RAD54B: variants seen among roughly 807,000 people sequenced by gnomAD.
RAD54B encodes the protein DNA repair and recombination protein RAD54B.
RAD54B carries 78 observed loss-of-function variants against 95.8 expected under a neutral mutation model. The observed-to-expected ratio is 0.81, with a 90% CI of 0.68 to 0.98. The LOEUF (loss-of-function observed/expected upper bound fraction) is 0.98, where lower values mean the gene tolerates loss of function less well. Ranked by LOEUF, RAD54B falls within the 50% of genes least tolerant of loss-of-function variation. The pLI is 0.00. For synonymous variants in RAD54B, 328 were observed against 354.9 expected (o/e 0.92, Z 0.85); for missense variants, 957 against 1,056.6 (o/e 0.91, Z 1.31).
At chr8:94,381,491 A>C (rs1416956081) in intron 11 of RAD54B, among the ~76,000 whole-genome samples, 1 of 152,226 alleles carries the variant, frequency 6.6e-6, no homozygotes, top group Non-Finnish European at 1.5e-5. Context: ...CAAAATAAAC[A>C]AACCTGAATT....
chr8:94,468,175 A>C (rs1196788056), intron 1 of RAD54B, among the ~76,000 whole-genome samples: 5 of 152,128 alleles, frequency 3.3e-5, no homozygotes, highest in African/African-American at 9.7e-5. Flanking sequence ...AGGCCAAATC[A>C]ATGATGCATT....
At chr8:94,407,231 T>G (rs1195881802) in intron 5 of RAD54B, among the ~76,000 whole-genome samples, 1 of 152,160 alleles carries the variant, frequency 6.6e-6, no homozygotes, top group African/African-American at 2.4e-5. Context: ...ATTACTGTAT[T>G]CTTAGAATTA....
chr8:94,378,674 A>G (rs1281097057), intron 12 of RAD54B, 40 bp from the exon 13 acceptor site: 1 of 1,372,288 alleles, frequency 7.3e-7, no homozygotes, highest in Admixed American at 2.1e-5. Flanking sequence ...TACAGTAGAA[A>G]CTAATGGCCC....
intron 2 of RAD54B, among the ~76,000 whole-genome samples, chr8:94,464,365 C>T (rs1231846198): frequency 2.6e-5 from 4 of 152,122 alleles, no homozygotes; most frequent in African/African-American, 9.7e-5. Context: ...CCTGTAGAAG[C>T]TGGAGAAAGC....
rs200865822 is a variant in RAD54B at position 94,391,667 on chromosome 8, C to T, written c.1751G>A (p.Cys584Tyr). Residue 584 changes from cysteine to tyrosine, a missense_variant, in exon 10 of 15, where the codon TGT (cysteine) becomes TAT (tyrosine). Physicochemically the swap from Cys to Tyr is radical, Grantham distance 194. Transcript: ENST00000336148. The part of the protein sequence containing the change: ...GLLENSPHLI[C>Y]IGALKKLCNH... The stretch of plus-strand genomic sequence containing the variant: ...GCACAGTTTTTTAAGAGCTCCTATA[C>T]ATATTAGATGGGGACTATTTTCCAA... 19 of 1,613,746 alleles carry T rather than the reference C, an allele frequency of 1.2e-5. No individual in the cohort carries two copies. Among genetic ancestry groups the T allele is most frequent in the Non-Finnish European group, 8.5e-6 (10 of 1,179,984 alleles).
chr8:94,450,029 G>A (rs1276457773), intron 3 of RAD54B, among the ~76,000 whole-genome samples: 6 of 151,882 alleles, frequency 4.0e-5, no homozygotes, highest in South Asian at 2.1e-4. Context: ...ATGCTCATAC[G>A]CCCAAAAATC....
chr8:94,380,830 C>T (rs1370454080), intron 11 of RAD54B, among the ~76,000 whole-genome samples: 1 of 152,202 alleles, frequency 6.6e-6, no homozygotes, highest in Non-Finnish European at 1.5e-5. Flanking sequence ...ACCACAGAAT[C>T]TTGCTAAGGT....
intron 6 of RAD54B, among the ~76,000 whole-genome samples, chr8:94,403,863 C>A (rs1281506925): frequency 8.3e-6 from 1 of 120,008 alleles, no homozygotes; most frequent in Non-Finnish European, 2.0e-5. Flanking sequence ...TTCCCATATG[C>A]CCACCTCCTA....
chr8:94,453,558 C>A (rs1311923625), intron 3 of RAD54B, among the ~76,000 whole-genome samples: 2 of 151,802 alleles, frequency 1.3e-5, no homozygotes, highest in African/African-American at 4.8e-5. Flanking sequence ...TAAGGTAGTT[C>A]TAAATGCATT....
At chr8:94,391,993 C>T in intron 9 of RAD54B, 94 bp from the exon 10 acceptor site, 1 of 1,169,390 alleles carries the variant, frequency 8.6e-7, no homozygotes, top group Non-Finnish European at 1.2e-6. Context: ...ACCATTTACT[C>T]ATTGCTTCCC....
intron 8 of RAD54B, among the ~76,000 whole-genome samples, chr8:94,394,881 C>G (rs1019725269): frequency 2.0e-5 from 3 of 152,112 alleles, no homozygotes; most frequent in African/African-American, 7.2e-5. Context: ...ATAATCACCT[C>G]CCTAAAACTT....
At chr8:94,434,423 C>T (rs1812202268) in intron 3 of RAD54B, among the ~76,000 whole-genome samples, 2 of 151,530 alleles carry the variant, frequency 1.3e-5, no homozygotes, top group Non-Finnish European at 3.0e-5. Flanking sequence ...GATCAGTTTA[C>T]AAAAACACAA....
chr8:94,393,546 C>T (rs1280093148), intron 9 of RAD54B, 197 bp downstream of exon 9: 1 of 486,936 alleles, frequency 2.1e-6, no homozygotes, highest in Non-Finnish European at 3.6e-6. Context: ...TGTCATAATT[C>T]TTTGTGAAGT....
At chr8:94,402,209 C>T (rs1811281576) in intron 6 of RAD54B, among the ~76,000 whole-genome samples, 1 of 151,222 alleles carries the variant, frequency 6.6e-6, no homozygotes, top group Non-Finnish European at 1.5e-5. Context: ...TCTTTCTAAG[C>T]ATAATTTATC....
Position 94,404,109 on chromosome 8 carries a change from G to A in RAD54B, c.912C>T (p.Ile304=). Residue 304 remains isoleucine, a synonymous_variant, in exon 6 of 15, where the codon ATC becomes ATT. Transcript: ENST00000336148. ...YHLRPHQKEG[I]IFLYECVMGM... ...CCATTACACATTCATAAAGGAATAT[G>A]ATTCCTTCTTTCTGATGTGGTCGAA... The A allele has an allele frequency of 6.2e-7, 1 of 1,606,380 alleles. No individual in the cohort carries two copies. Among genetic ancestry groups the A allele is most frequent in the Non-Finnish European group, 8.5e-7 (1 of 1,175,484 alleles).
At chr8:94,461,380 G>A (rs2130186190) in intron 2 of RAD54B, among the ~76,000 whole-genome samples, 1 of 150,638 alleles carries the variant, frequency 6.6e-6, no homozygotes, top group East Asian at 2.0e-4. Flanking sequence ...CCATGTTGAG[G>A]CTGGTCTCAA....
chr8:94,466,934 T>C (rs935750025), intron 2 of RAD54B, among the ~76,000 whole-genome samples: 1 of 152,174 alleles, frequency 6.6e-6, no homozygotes, highest in East Asian at 1.9e-4. Context: ...TTCCATTGAT[T>C]GATTGAATGA....
intron 3 of RAD54B, among the ~76,000 whole-genome samples, chr8:94,426,671 A>T (rs1436362834): frequency 6.6e-6 from 1 of 152,220 alleles, no homozygotes; most frequent in Non-Finnish European, 1.5e-5. Flanking sequence ...AATTTTTTTT[A>T]AATTAGGACA....
intron 4 of RAD54B, among the ~76,000 whole-genome samples, chr8:94,408,444 A>G (rs1204160919): frequency 6.6e-6 from 1 of 152,132 alleles, no homozygotes; most frequent in Non-Finnish European, 1.5e-5. Context: ...TTAAATGTGT[A>G]GTTATTGTGC....
Sources: gnomAD v4.1 joint callset for allele counts (sites outside exome capture counted in the v4.1 genomes callset) on GRCh38, gnomAD v4.1.1 for gene constraint, MANE v1.5 for transcripts, NCBI Gene and HGNC (gene_info 2026-07-23, HGNC 2026-07-21) for gene names.